CHD2: variants seen among roughly 807,000 people sequenced by gnomAD.
CHD2 encodes the protein chromodomain helicase DNA binding protein 2, also known as ATP-dependent chromatin remodeler CHD2.
CHD2 carries 28 observed loss-of-function variants against 243.9 expected under a neutral mutation model. That is an observed-to-expected ratio of 0.11 (90% CI 0.09 to 0.16). The LOEUF (loss-of-function observed/expected upper bound fraction) is 0.16, where lower values mean the gene tolerates loss of function less well. Ranked by LOEUF, CHD2 falls within the 10% of genes least tolerant of loss-of-function variation. CHD2 has a pLI of 1.00. For synonymous variants in CHD2, 775 were observed against 779.0 expected (o/e 0.99, Z 0.09); for missense variants, 1,386 against 2,209.8 (o/e 0.63, Z 7.47).
chr15:92,920,916 G>C (rs891732381), intron 2 of CHD2, among the ~76,000 whole-genome samples: 3 of 152,220 alleles, frequency 2.0e-5, no homozygotes, highest in Non-Finnish European at 2.9e-5. Context: ...CAAGCGGCCA[G>C]ATTACTCGAT....
At chr15:92,910,195 A>G (rs1272084650) in intron 2 of CHD2, among the ~76,000 whole-genome samples, 1 of 151,938 alleles carries the variant, frequency 6.6e-6, no homozygotes, top group African/African-American at 2.4e-5. Context: ...TTTTGTAGAG[A>G]GGGGGTTTCG....
chr15:93,023,479 G>A (rs990964753), intron 38 of CHD2, among the ~76,000 whole-genome samples: 1 of 152,176 alleles, frequency 6.6e-6, no homozygotes, highest in African/African-American at 2.4e-5. Context: ...AGTGAAGATT[G>A]GTGTACAGGT....
chr15:92,992,477 A>G (rs1231503503), intron 27 of CHD2, among the ~76,000 whole-genome samples: 2 of 152,226 alleles, frequency 1.3e-5, no homozygotes, highest in African/African-American at 2.4e-5. Context: ...ATTGCAGTGA[A>G]TGAAAGTAGG....
At chr15:92,908,262 G>T (rs2052658911) in intron 2 of CHD2, among the ~76,000 whole-genome samples, 1 of 151,992 alleles carries the variant, frequency 6.6e-6, no homozygotes, top group Admixed American at 6.6e-5. Flanking sequence ...AAATGTAACA[G>T]CAGTAATATT....
chr15:92,920,680 C>G lies in CHD2; in HGVS notation c.63-3641C>G, dbSNP rs139210172. ...TCCTAGTAGTGTGTAGACCTGTTGT[C>G]TGTGACAGTTTTATTGGTGGTGATT... On this transcript the variant is annotated intron_variant, in intron 2 of 38. Transcript: ENST00000394196. Among the ~76,000 whole-genome samples, 114 of 152,190 alleles carry G rather than the reference C, an allele frequency of 7.5e-4. 1 individual carries two copies. The highest frequency in any genetic ancestry group is 5.2e-3 in the East Asian group (27 of 5,184).
chr15:92,933,854 C>T (rs1465359771), intron 5 of CHD2, among the ~76,000 whole-genome samples: 1 of 152,244 alleles, frequency 6.6e-6, no homozygotes. Context: ...CATCCTCCCA[C>T]CATGGCCTCC....
intron 26 of CHD2, among the ~76,000 whole-genome samples, chr15:92,991,090 C>G (rs888105838): frequency 6.6e-6 from 1 of 152,136 alleles, no homozygotes; most frequent in African/African-American, 2.4e-5. Context: ...ACTGAATACG[C>G]TGATGAAACG....
At chr15:92,915,947 C>G (rs555007127) in intron 2 of CHD2, among the ~76,000 whole-genome samples, 36 of 152,362 alleles carry the variant, frequency 2.4e-4, no homozygotes, top group African/African-American at 8.2e-4. Flanking sequence ...AAATGCGTAT[C>G]TGATTGCTTC....
rs986752119 is a variant in CHD2 at position 92,905,000 on chromosome 15, A to G, written c.62+3701A>G. On this transcript the variant is annotated intron_variant, in intron 2 of 38. Coordinates refer to ENST00000394196, the MANE Select transcript of CHD2 (RefSeq NM_001271.4). ...TTTCTCAGTTGGCATTTGATGGAGA[A>G]AAACTCAGGTCAGTATGTGCTAAGT... The G allele has an allele frequency of 3.6e-5, 55 of 1,535,908 alleles. No homozygotes were observed. In the Admixed American group the frequency reaches 1.1e-3, roughly 30 times the overall value.
chr15:92,905,401 TAAGC>T (rs561481667), intron 2 of CHD2, among the ~76,000 whole-genome samples: 25 of 152,324 alleles, frequency 1.6e-4, no homozygotes, highest in Admixed American at 1.2e-3. Flanking sequence ...ATACTGAATT[TAAGC>T]AAGCAAGAAA....
rs763507530 is a variant in CHD2, at chr15:92,946,157, T to C, written c.1318T>C (p.Cys440Arg). 30 of 1,613,794 alleles carry C rather than the reference T, an allele frequency of 1.9e-5. 1 individual carries two copies. Among genetic ancestry groups the C allele is most frequent in the Non-Finnish European group, 2.5e-5 (30 of 1,179,794 alleles). Residue 440 changes from cysteine to arginine, a missense_variant, in exon 12 of 39, where the codon TGC (cysteine) becomes CGC (arginine). Around this residue, in one of 19 missense-constraint regions of CHD2, gnomAD observed 200 missense variants for 292.5 expected, o/e 0.68. Coordinates refer to ENST00000394196, the MANE Select transcript of CHD2 (RefSeq NM_001271.4). ...EALIGKKFQN[C>R]IDSFHSRNNS... is the part of the protein sequence containing the mutation. ...CCTCATTGGAAAGAAATTCCAGAAT[T>C]GCATTGACAGCTTCCACAGTAGGAA... is the stretch of plus-strand genomic sequence containing the variant.
At chr15:93,011,169 G>A (rs2054389467) in intron 35 of CHD2, among the ~76,000 whole-genome samples, 1 of 152,086 alleles carries the variant, frequency 6.6e-6, no homozygotes, top group Middle Eastern at 3.4e-3. Context: ...GCCAGGCACT[G>A]TGATCTTGGC....
At chr15:93,021,558 T>A (rs2054535191) in intron 38 of CHD2, 1 of 152,242 alleles carries the variant, frequency 6.6e-6, no homozygotes, top group African/African-American at 2.4e-5. Context: ...TTTAAAAAAT[T>A]ATGCTTTCTG....
At chr15:92,917,777 T>G (rs948724823) in intron 2 of CHD2, among the ~76,000 whole-genome samples, 1 of 152,170 alleles carries the variant, frequency 6.6e-6, no homozygotes, top group Non-Finnish European at 1.5e-5. Flanking sequence ...TGGGGTGATA[T>G]CTTACACACG....
At chr15:92,917,920 A>G (rs1211615847) in intron 2 of CHD2, among the ~76,000 whole-genome samples, 2 of 152,250 alleles carry the variant, frequency 1.3e-5, no homozygotes, top group African/African-American at 4.8e-5. Flanking sequence ...TAGCCTGGAA[A>G]TAAGTTTTAT....
intron 34 of CHD2, among the ~76,000 whole-genome samples, chr15:93,005,159 C>T (rs1402701095): frequency 6.6e-6 from 1 of 152,150 alleles, no homozygotes; most frequent in Non-Finnish European, 1.5e-5. Flanking sequence ...GATAACTACA[C>T]AAATCATGTT....
At chr15:92,963,804 A>G (rs975413243) in intron 16 of CHD2, among the ~76,000 whole-genome samples, 2 of 152,252 alleles carry the variant, frequency 1.3e-5, no homozygotes, top group African/African-American at 4.8e-5. Flanking sequence ...TCTAGGAGAA[A>G]AAAATACATC....
In CHD2 at chr15:92,967,479, G is replaced by A; in HGVS notation, c.2155G>A (p.Val719Met). The A allele has an allele frequency of 6.2e-7, 1 of 1,613,918 alleles. No homozygotes were observed. Among genetic ancestry groups the A allele is most frequent in the Non-Finnish European group, 8.5e-7 (1 of 1,179,912 alleles). ...TGCTAAAGTGGAACAGATTCTCAGGGTGGAGATGTCAGCCCTTCAGAAACA... is the reference window on the plus strand; with the variant it reads ...TGCTAAAGTGGAACAGATTCTCAGGATGGAGATGTCAGCCCTTCAGAAACA... Reference protein sequence around the residue: ...LPAKVEQILRVEMSALQKQYY... With the variant: ...LPAKVEQILRMEMSALQKQYY... The change falls in exon 17 of 39, where the codon GTG (valine) becomes ATG (methionine). Residue 719 changes from valine to methionine, a missense_variant. Around this residue, in one of 19 missense-constraint regions of CHD2, gnomAD observed 118 missense variants for 266.3 expected, o/e 0.44. Transcript: ENST00000394196.
Position 93,000,662 on chromosome 15 carries a change from G to C in CHD2, c.4137+22G>C, listed in dbSNP as rs547566006. 48 of 1,599,954 alleles carry C rather than the reference G, an allele frequency of 3.0e-5. 1 individual carries two copies. The South Asian group carries it at 5.1e-4, about 17-fold the overall frequency. On this transcript the variant is annotated intron_variant, in intron 32 of 38. Coordinates refer to ENST00000394196, the MANE Select transcript of CHD2 (RefSeq NM_001271.4). ...GAAAGTATGAAGTGGGGTTTCGGTT[G>C]AGGGTTATTTATTTATTTTAGCTAT...
Sources: gnomAD v4.1 joint callset for allele counts (sites outside exome capture counted in the v4.1 genomes callset) on GRCh38, gnomAD v4.1.1 for gene constraint, gnomAD v4.1.1 regional missense constraint, MANE v1.5 for transcripts, NCBI Gene and HGNC (gene_info 2026-07-23, HGNC 2026-07-21) for gene names.